DCLK2: variants seen among roughly 807,000 people sequenced by gnomAD.
The protein encoded by DCLK2 is doublecortin like kinase 2.
A neutral mutation model predicts 78.4 loss-of-function variants in DCLK2; 31 were observed. The observed-to-expected ratio is 0.40, with a 90% CI of 0.30 to 0.53. The LOEUF (loss-of-function observed/expected upper bound fraction) is 0.53, where lower values mean the gene tolerates loss of function less well. DCLK2 is among the 20% of genes least tolerant of loss of function. DCLK2 has a pLI of 0.61. For missense variants in DCLK2, 872 were observed against 973.7 expected, an observed-to-expected ratio of 0.90 and a Z score of 1.39; for synonymous variants, 407 against 374.9, an observed-to-expected ratio of 1.09 and a Z score of -0.99.
intron 2 of DCLK2, among the ~76,000 whole-genome samples, chr4:150,118,510 A>C (rs1389799559): frequency 1.3e-5 from 2 of 152,202 alleles, no homozygotes; most frequent in Admixed American, 6.5e-5. Context: ...TTTCAATTTT[A>C]ATGCTATATT....
chr4:150,177,378 CA>C (rs1737167887), intron 2 of DCLK2, among the ~76,000 whole-genome samples: 1 of 151,942 alleles, frequency 6.6e-6, no homozygotes, highest in African/African-American at 2.4e-5. Context: ...TATTTAGGCC[CA>C]AATGTCAAGC....
intron 2 of DCLK2, among the ~76,000 whole-genome samples, chr4:150,166,018 C>T (rs1736041258): frequency 6.6e-6 from 1 of 152,180 alleles, no homozygotes. Flanking sequence ...GTGCCAAGCC[C>T]TTGGACTTCC....
chr4:150,133,609 A>C (rs569823564), intron 2 of DCLK2, among the ~76,000 whole-genome samples: 33 of 152,360 alleles, frequency 2.2e-4, no homozygotes, highest in African/African-American at 7.7e-4. Flanking sequence ...ATTTGGGAGA[A>C]CTGGTTCAAA....
At chr4:150,113,541 G>T (rs1039999531) in intron 2 of DCLK2, among the ~76,000 whole-genome samples, 5 of 152,090 alleles carry the variant, frequency 3.3e-5, no homozygotes, top group Non-Finnish European at 7.4e-5. Flanking sequence ...TATGCATAGA[G>T]ATGTTCATAG....
At chr4:150,116,756 G>A (rs2150175387) in intron 2 of DCLK2, among the ~76,000 whole-genome samples, 1 of 152,314 alleles carries the variant, frequency 6.6e-6, no homozygotes, top group Non-Finnish European at 1.5e-5. Flanking sequence ...CTGGTTATGT[G>A]GACAGAGTCA....
At chr4:150,189,607 G>A (rs1198040082) in intron 2 of DCLK2, among the ~76,000 whole-genome samples, 1 of 152,182 alleles carries the variant, frequency 6.6e-6, no homozygotes, top group African/African-American at 2.4e-5. Context: ...TAGGGATTGA[G>A]ATAATACATG....
intron 2 of DCLK2, among the ~76,000 whole-genome samples, chr4:150,187,695 T>C (rs1464618709): frequency 6.6e-6 from 1 of 152,168 alleles, no homozygotes; most frequent in Non-Finnish European, 1.5e-5. Context: ...ACATAATGAG[T>C]GCTCAGTAAA....
intron 10 of DCLK2, among the ~76,000 whole-genome samples, chr4:150,238,988 G>T (rs151154181): frequency 1.3e-5 from 2 of 152,138 alleles, no homozygotes; most frequent in Admixed American, 1.3e-4. Flanking sequence ...TGCTAGTGCC[G>T]TGGAGATCAC....
At chr4:150,132,023 C>T (rs1025757069) in intron 2 of DCLK2, among the ~76,000 whole-genome samples, 1 of 152,176 alleles carries the variant, frequency 6.6e-6, no homozygotes, top group Non-Finnish European at 1.5e-5. Flanking sequence ...ACAATTTGCA[C>T]ATCCATAAAG....
At chr4:150,182,621 G>T (rs1737615069) in intron 2 of DCLK2, among the ~76,000 whole-genome samples, 1 of 151,986 alleles carries the variant, frequency 6.6e-6, no homozygotes, top group Non-Finnish European at 1.5e-5. Context: ...TTGTATTTCT[G>T]CTTGCTTACA....
chr4:150,157,088 G>C lies in DCLK2; in HGVS notation c.757-36050G>C, dbSNP rs1735335553. Among the ~76,000 whole-genome samples, 4 of 151,438 alleles carry C rather than the reference G, an allele frequency of 2.6e-5. No homozygotes were observed. The South Asian group carries it at 8.3e-4, about 32-fold the overall frequency. Reference sequence around the variant, plus strand: ...CACAGCCAGGAGTTACTATTTTCTAGTGTGTATGTATCAGTCCAAACTCAA... The same window carrying C: ...CACAGCCAGGAGTTACTATTTTCTACTGTGTATGTATCAGTCCAAACTCAA... On this transcript the variant is annotated intron_variant, in intron 2 of 15. Coordinates refer to ENST00000296550, the MANE Select transcript of DCLK2 (RefSeq NM_001040260.4).
At chr4:150,083,257 G>GCTA (rs1331600275) in intron 1 of DCLK2, among the ~76,000 whole-genome samples, 1 of 152,166 alleles carries the variant, frequency 6.6e-6, no homozygotes, top group Non-Finnish European at 1.5e-5. Context: ...GGCATTAAGA[G>GCTA]CTACCTGTGT....
intron 10 of DCLK2, among the ~76,000 whole-genome samples, chr4:150,235,139 T>C (rs1742393268): frequency 6.6e-6 from 1 of 152,166 alleles, no homozygotes; most frequent in Non-Finnish European, 1.5e-5. Flanking sequence ...CCAACAGCCC[T>C]GATTTAAGGC....
chr4:150,244,652 A>G (rs542258068), intron 12 of DCLK2, among the ~76,000 whole-genome samples: 10 of 152,400 alleles, frequency 6.6e-5, no homozygotes, highest in East Asian at 3.9e-4. Context: ...TGGAGTATCA[A>G]TGCGATACCG....
intron 2 of DCLK2, among the ~76,000 whole-genome samples, chr4:150,141,515 G>A (rs1015150791): frequency 6.6e-6 from 1 of 152,172 alleles, no homozygotes; most frequent in Admixed American, 6.6e-5. Flanking sequence ...CACCTGGTGG[G>A]TAGGGCTTTG....
intron 3 of DCLK2, among the ~76,000 whole-genome samples, chr4:150,196,629 A>G (rs1560859619): frequency 6.6e-6 from 1 of 151,556 alleles, no homozygotes; most frequent in Non-Finnish European, 1.5e-5. Flanking sequence ...TAACAAGCCT[A>G]TGATGTAAAT....
At chr4:150,183,731 CTTTTTCTTTTTT>C (rs1737700053) in intron 2 of DCLK2, among the ~76,000 whole-genome samples, 1 of 149,970 alleles carries the variant, frequency 6.7e-6, no homozygotes, top group African/African-American at 2.5e-5. Context: ...TTCTTTTTTT[CTTTTTCTTTTTT>C]TTTTTTTGGA....
Position 150,078,759 on chromosome 4 carries a change from C to T in DCLK2, c.-269C>T. 1 of 319,182 alleles carries T rather than the reference C, an allele frequency of 3.1e-6. No homozygotes were observed. Among genetic ancestry groups the T allele is most frequent in the Non-Finnish European group, 5.7e-6 (1 of 176,874 alleles). The allele number at this position is 319,182 out of a possible 1,614,324, so 19.8% of individuals were successfully genotyped here. A position where few individuals can be genotyped will look rare whatever the true frequency, so the allele number is the denominator to read the frequency against. On this transcript the variant is annotated 5_prime_UTR_variant, in exon 1 of 16. Transcript: ENST00000296550. ...CGGGTGGAGGAGGCGCTTGCGGGGG[C>T]GTGGGGCTCCCCGGCAGGCGGGAGG...
chr4:150,168,513 T>G (rs1178160058), intron 2 of DCLK2, among the ~76,000 whole-genome samples: 1 of 152,194 alleles, frequency 6.6e-6, no homozygotes, highest in Non-Finnish European at 1.5e-5. Context: ...TCCTTCTGCC[T>G]TATGCCCCTT....
Sources: gnomAD v4.1 joint callset for allele counts (sites outside exome capture counted in the v4.1 genomes callset) on GRCh38, gnomAD v4.1.1 for gene constraint, MANE v1.5 for transcripts, NCBI Gene and HGNC (gene_info 2026-07-23, HGNC 2026-07-21) for gene names.